The following CEP83 variants were observed in gnomAD, a reference collection of about 807,000 sequenced individuals.
CEP83 encodes the protein centrosomal protein of 83 kDa.
A neutral mutation model predicts 101.9 loss-of-function variants in CEP83; 70 were observed. That is an observed-to-expected ratio of 0.69 (90% CI 0.57 to 0.84). The LOEUF is 0.84. Ranked by LOEUF, CEP83 falls within the 40% of genes least tolerant of loss-of-function variation. CEP83 has a pLI of 0.00. For missense variants in CEP83, 715 were observed against 787.2 expected, an observed-to-expected ratio of 0.91 and a Z score of 1.10; for synonymous variants, 264 against 267.9, an observed-to-expected ratio of 0.99 and a Z score of 0.14.
chr12:94,419,079 CAT>C (rs2064512250), intron 2 of CEP83, among the ~76,000 whole-genome samples: 1 of 151,754 alleles, frequency 6.6e-6, no homozygotes, highest in South Asian at 2.1e-4. Context: ...TTTATATACA[CAT>C]GTTCTGATTG....
chr12:94,313,238 C>A (rs1220918587), intron 14 of CEP83: 4 of 284,140 alleles, frequency 1.4e-5, no homozygotes, highest in Non-Finnish European at 2.6e-5. Flanking sequence ...TTATGAATGC[C>A]AAACAAAAAA....
chr12:94,313,022 A>G lies in CEP83; in HGVS notation c.1708-5T>C, dbSNP rs1970107246. 7.7e-7 allele frequency: 1 copy of G among 1,291,636 alleles called. No homozygotes were observed. Among genetic ancestry groups the G allele is most frequent in the Admixed American group, 1.9e-5 (1 of 53,626 alleles). The allele number at this position is 1,291,636 out of a possible 1,614,324, so 80.0% of individuals were successfully genotyped here. On this transcript the variant is annotated splice_polypyrimidine_tract_variant and splice_region_variant and intron_variant, in intron 14 of 16. Coordinates refer to ENST00000397809, the MANE Select transcript of CEP83 (RefSeq NM_016122.3). ...GTTTTCATGAAGAGATTTTCTCTAAAAAGAGAAATATGAACAAGTATGTTA... is the reference window on the plus strand; with the variant it reads ...GTTTTCATGAAGAGATTTTCTCTAAGAAGAGAAATATGAACAAGTATGTTA...
intron 2 of CEP83, chr12:94,424,880 T>C (rs576072265): frequency 3.1e-6 from 5 of 1,600,386 alleles, no homozygotes; most frequent in Non-Finnish European, 4.3e-6. Flanking sequence ...TGGTGCCATC[T>C]GCTGAGCCAA....
Position 94,367,801 on chromosome 12 carries a change from T to C in CEP83, c.1336A>G (p.Ser446Gly), listed in dbSNP as rs1292529697. The change falls in exon 11 of 17, where the codon AGT (serine) becomes GGT (glycine). Residue 446 changes from serine to glycine, a missense_variant. Physicochemically the swap from Ser to Gly is moderately conservative, Grantham distance 56. Transcript: ENST00000397809. ...TATATATGTATATATAACCTAACAC[T>C]CTGAAGCTCCTTCCTGGTGATCTCT... ...AEEITRKELQ[S>G]VRLKLQQQIV... is the part of the protein sequence containing the mutation. 1 of 1,608,932 alleles carries C rather than the reference T, an allele frequency of 6.2e-7. No homozygotes were observed. The highest frequency in any genetic ancestry group is 8.5e-7 in the Non-Finnish European group (1 of 1,178,612).
At chr12:94,426,014 C>G (rs1242182196) in intron 2 of CEP83, among the ~76,000 whole-genome samples, 8 of 151,546 alleles carry the variant, frequency 5.3e-5, no homozygotes, top group Non-Finnish European at 1.2e-4. Context: ...CCCAGCTACT[C>G]GGGAGGCTGA....
At chr12:94,328,243 G>A (rs896901199) in intron 14 of CEP83, 26 of 334,036 alleles carry the variant, frequency 7.8e-5, no homozygotes, top group African/African-American at 5.8e-4. Flanking sequence ...ATGGGGGTGG[G>A]GGGAATACAC....
chr12:94,289,089 C>G, the CEP83 span, among the ~76,000 whole-genome samples: 1 of 152,172 alleles, frequency 6.6e-6, no homozygotes, highest in Non-Finnish European at 1.5e-5. Flanking sequence ...TAAGTTCAAC[C>G]TTACATTTCT....
At chr12:94,381,810 T>A (rs999702739) in intron 6 of CEP83, among the ~76,000 whole-genome samples, 3 of 152,164 alleles carry the variant, frequency 2.0e-5, no homozygotes, top group Non-Finnish European at 4.4e-5. Context: ...CTTTTAAAAT[T>A]AAACTTTTTC....
At chr12:94,441,233 G>A (rs1354398692) in intron 1 of CEP83, among the ~76,000 whole-genome samples, 1 of 152,178 alleles carries the variant, frequency 6.6e-6, no homozygotes, top group Non-Finnish European at 1.5e-5. Context: ...AGAGTGAACA[G>A]GCAACCCACA....
intron 2 of CEP83, among the ~76,000 whole-genome samples, chr12:94,433,255 G>A (rs1286706581): frequency 4.6e-5 from 7 of 152,068 alleles, no homozygotes; most frequent in Non-Finnish European, 8.8e-5. Flanking sequence ...AAAATAAGTC[G>A]TTTATTTGCA....
the CEP83 span, among the ~76,000 whole-genome samples, chr12:94,269,407 C>T: frequency 2.0e-5 from 3 of 152,344 alleles, no homozygotes; most frequent in East Asian, 5.8e-4. Context: ...GTCTCTTTCT[C>T]TAGCAGTTAC....
At chr12:94,278,884 G>T in the CEP83 span, among the ~76,000 whole-genome samples, 5 of 152,090 alleles carry the variant, frequency 3.3e-5, no homozygotes, top group African/African-American at 4.8e-5. Flanking sequence ...TGTAATCCCA[G>T]CTACTTGGGA....
At chr12:94,396,440 C>T (rs2062902086) in intron 6 of CEP83, among the ~76,000 whole-genome samples, 1 of 151,770 alleles carries the variant, frequency 6.6e-6, no homozygotes, top group Admixed American at 6.6e-5. Context: ...AGGTGCGTGC[C>T]ACCACACCAG....
intron 12 of CEP83, among the ~76,000 whole-genome samples, chr12:94,335,355 A>G (rs1415270903): frequency 1.3e-5 from 2 of 152,038 alleles, no homozygotes; most frequent in Admixed American, 1.3e-4. Flanking sequence ...ACAGCATTTA[A>G]TAAATAAATA....
chr12:94,294,980 A>G, the CEP83 span, among the ~76,000 whole-genome samples: 1 of 151,878 alleles, frequency 6.6e-6, no homozygotes, highest in Non-Finnish European at 1.5e-5. Flanking sequence ...CACTTGCAAA[A>G]TTCCCAGAAA....
the CEP83 span, chr12:94,298,880 G>C: frequency 7.8e-7 from 1 of 1,289,422 alleles, no homozygotes; most frequent in Non-Finnish European, 1.1e-6. Context: ...GTTATAGAAG[G>C]ATTCATTTAT....
intron 6 of CEP83, among the ~76,000 whole-genome samples, chr12:94,386,270 G>A (rs1175651673): frequency 6.6e-6 from 1 of 152,156 alleles, no homozygotes; most frequent in Non-Finnish European, 1.5e-5. Flanking sequence ...TGCATTAAGA[G>A]TATCTTTCCA....
At chr12:94,412,758 C>T (rs533772381) in intron 2 of CEP83, among the ~76,000 whole-genome samples, 167 bp from the exon 3 acceptor site, 9 of 138,220 alleles carry the variant, frequency 6.5e-5, no homozygotes, top group East Asian at 2.2e-4. Context: ...GGTGTGATCT[C>T]GGCTCACTGC....
intron 6 of CEP83, among the ~76,000 whole-genome samples, chr12:94,381,804 T>C (rs954893811): frequency 3.9e-5 from 6 of 152,152 alleles, no homozygotes; most frequent in Non-Finnish European, 7.4e-5. Context: ...TTACTTCTTT[T>C]AAAATTAAAC....
Sources: gnomAD v4.1 joint callset for allele counts (sites outside exome capture counted in the v4.1 genomes callset) on GRCh38, gnomAD v4.1.1 for gene constraint, MANE v1.5 for transcripts, NCBI Gene and HGNC (gene_info 2026-07-23, HGNC 2026-07-21) for gene names.